The following GSTA5 variants were observed in gnomAD, a reference collection of about 807,000 sequenced individuals.
GSTA5 encodes the protein glutathione S-transferase A5.
A neutral mutation model predicts 21.8 loss-of-function variants in GSTA5; 25 were observed. The ratio of observed to expected loss-of-function variants is 1.14; its 90% confidence interval spans 0.83 to 1.60. GSTA5 has a LOEUF of 1.60. Among genes scored for constraint, GSTA5 ranks in the 40% most tolerant of loss-of-function variants. The pLI is 0.00. For synonymous variants in GSTA5, 102 were observed against 89.5 expected (o/e 1.14, Z -0.78); for missense variants, 330 against 259.2 (o/e 1.27, Z -1.88).
At chr6:52,836,164 C>G in intron 3 of GSTA5, 72 bp downstream of exon 3, 2 of 1,551,670 alleles carry the variant, frequency 1.3e-6, no homozygotes, top group Non-Finnish European at 1.8e-6. Flanking sequence ...CTGCCATGGT[C>G]CCACCCACTC....
intron 2 of GSTA5, 117 bp from the exon 3 acceptor site, chr6:52,836,485 G>T: frequency 1.9e-6 from 2 of 1,076,948 alleles, no homozygotes; most frequent in Non-Finnish European, 2.7e-6. Flanking sequence ...ATTATTGCCT[G>T]TTAAGTTTTC....
At position 52,831,834 on chromosome 6, in the gene GSTA5, C is replaced by T. The variant is rs1395035909; in HGVS notation, c.*14G>A. The T allele has an allele frequency of 1.2e-6, 2 of 1,613,818 alleles. No homozygotes were observed. Among genetic ancestry groups the T allele is most frequent in the Non-Finnish European group, 8.5e-7 (1 of 1,179,908 alleles). On this transcript the variant is annotated 3_prime_UTR_variant, in exon 6 of 6. Transcript: ENST00000370989. Reference sequence around the variant, plus strand: ...TATTGGTCTGGCATGTTCTTGGCCTCCATAGCTGCTTTATTAAAACCTGAA... The same window carrying T: ...TATTGGTCTGGCATGTTCTTGGCCTTCATAGCTGCTTTATTAAAACCTGAA...
At chr6:52,834,033 A>G in intron 4 of GSTA5, 108 bp downstream of exon 4, 2 of 1,222,216 alleles carry the variant, frequency 1.6e-6, no homozygotes, top group Non-Finnish European at 2.4e-6. Context: ...CTTGGTGTTC[A>G]TGAAGTCTCA....
chr6:52,832,881 A>G (rs1764236748), exon 5 of GSTA5: 2 of 1,613,918 alleles, frequency 1.2e-6, no homozygotes, highest in South Asian at 1.1e-5. Context: ...GAAGCTGGAG[A>G]TAAGACTCGA....
chr6:52,833,083 C>T (rs1764240865), intron 4 of GSTA5, 93 bp from the exon 5 acceptor site: 7 of 1,429,208 alleles, frequency 4.9e-6, no homozygotes, highest in African/African-American at 1.4e-5. Flanking sequence ...ACTTTTCCCA[C>T]CTCTGTTGCC....
intron 2 of GSTA5, among the ~76,000 whole-genome samples, chr6:52,837,315 G>C (rs1377582051): frequency 6.6e-6 from 1 of 152,142 alleles, no homozygotes; most frequent in Non-Finnish European, 1.5e-5. Flanking sequence ...ACAGAAAAAG[G>C]GCTTTCCCCG....
chr6:52,837,378 G>T (rs574644466), intron 2 of GSTA5, among the ~76,000 whole-genome samples, 180 bp downstream of exon 2: 1 of 152,248 alleles, frequency 6.6e-6, no homozygotes, highest in East Asian at 1.9e-4. Flanking sequence ...GGTCCTTTTA[G>T]CTTGGAGAGA....
At chr6:52,841,212 G>A (rs890416105), upstream of GSTA5, among the ~76,000 whole-genome samples, 4 of 152,174 alleles carry the variant, frequency 2.6e-5, no homozygotes, top group Non-Finnish European at 5.9e-5. Context: ...CCTCCTTATA[G>A]TCTCATTAAA....
upstream of GSTA5, among the ~76,000 whole-genome samples, chr6:52,843,928 T>C (rs1409096402): frequency 2.6e-5 from 4 of 152,164 alleles, no homozygotes; most frequent in Non-Finnish European, 4.4e-5. Context: ...CCTCTCAATA[T>C]GAGGTTTCCA....
chr6:52,841,178 C>T (rs1289187497), upstream of GSTA5, among the ~76,000 whole-genome samples: 1 of 152,168 alleles, frequency 6.6e-6, no homozygotes, highest in Admixed American at 6.5e-5. Context: ...ATGCTAGTCC[C>T]TTTCAATATT....
Position 52,836,217 on chromosome 6 carries a change from A to C in GSTA5, c.272+19T>G. The C allele has an allele frequency of 6.2e-7, 1 of 1,611,448 alleles. No individual in the cohort carries two copies. Among genetic ancestry groups the C allele is most frequent in the African/African-American group, 1.3e-5 (1 of 74,954 alleles). On this transcript the variant is annotated intron_variant, in intron 3 of 5. Coordinates refer to ENST00000370989, the Ensembl canonical transcript of GSTA5. ...ACTCTGTGTTCTCTGTGGATGGAAG[A>C]ACAGAAAATATACCATACAGGGCTC...
In GSTA5 at chr6:52,832,842, G is replaced by A. The variant is rs1384226648; in HGVS notation, c.546+17C>T. The A allele has an allele frequency of 1.9e-6, 3 of 1,613,534 alleles. No individual in the cohort carries two copies. The highest frequency in any genetic ancestry group is 2.2e-5 in the South Asian group (2 of 91,064). ...AAGAGATGTGGGGCTGTCTCTCTGGGCTGTGAAATGGGTCACCTTCAGCAG... is the reference window on the plus strand; with the variant it reads ...AAGAGATGTGGGGCTGTCTCTCTGGACTGTGAAATGGGTCACCTTCAGCAG... On this transcript the variant is annotated intron_variant, in intron 5 of 5. Coordinates refer to ENST00000370989, the Ensembl canonical transcript of GSTA5.
At chr6:52,835,004 T>G (rs1003536746) in intron 3 of GSTA5, among the ~76,000 whole-genome samples, 1 of 152,200 alleles carries the variant, frequency 6.6e-6, no homozygotes, top group Non-Finnish European at 1.5e-5. Flanking sequence ...AACAAGACCT[T>G]TATTGACGTA....
intron 2 of GSTA5, 99 bp downstream of exon 2, chr6:52,837,459 A>G: frequency 1.4e-6 from 1 of 732,638 alleles, no homozygotes; most frequent in Non-Finnish European, 2.4e-6. Context: ...CCGTGACTAA[A>G]TATCACCCCC....
chr6:52,839,406 A>G (rs1764340624), intron 1 of GSTA5, among the ~76,000 whole-genome samples: 1 of 152,220 alleles, frequency 6.6e-6, no homozygotes, highest in Non-Finnish European at 1.5e-5. Context: ...ACAGTGAAAC[A>G]GGGTATTCAT....
chr6:52,837,624 A>T lies in GSTA5; in HGVS notation c.88-15T>A. On this transcript the variant is annotated splice_polypyrimidine_tract_variant and intron_variant, in intron 1 of 5. Coordinates refer to ENST00000370989, the Ensembl canonical transcript of GSTA5. ...TTCTCTTCCAACTGGAAGCAGAAAC[A>T]GTAAATGGGTTCTTCTTAGTTAATT... 6.3e-7 allele frequency: 1 copy of T among 1,588,446 alleles called. No homozygotes were observed. Among genetic ancestry groups the T allele is most frequent in the Non-Finnish European group, 8.6e-7 (1 of 1,157,600 alleles).
At chr6:52,834,077 C>T (rs1283447082) in intron 4 of GSTA5, 64 bp downstream of exon 4, 1 of 1,585,216 alleles carries the variant, frequency 6.3e-7, no homozygotes, top group East Asian at 2.2e-5. Flanking sequence ...CAGGAATGCC[C>T]AGCCACTATT....
At chr6:52,831,811 T>G in exon 6 of GSTA5, 1 of 1,611,736 alleles carries the variant, frequency 6.2e-7, no homozygotes, top group Non-Finnish European at 8.5e-7. Flanking sequence ...CTGTAGAATA[T>G]TGGTCTGGCA....
chr6:52,836,188 A>G (rs1422177245), intron 3 of GSTA5, 48 bp downstream of exon 3: 1 of 1,603,506 alleles, frequency 6.2e-7, no homozygotes, highest in East Asian at 2.2e-5. Flanking sequence ...GAAGGACTTA[A>G]ATCACTCTGT....
Sources: allele counts gnomAD v4.1 joint callset (sites outside exome capture counted in the v4.1 genomes callset), GRCh38; gene constraint gnomAD v4.1.1; transcripts MANE v1.5; gene names NCBI Gene and HGNC (gene_info 2026-07-23, HGNC 2026-07-21).